Variants in TEX2 observed in about 807,000 individuals in gnomAD.
The protein encoded by TEX2 is testis-expressed protein 2.
TEX2 carries 53 observed loss-of-function variants against 106.9 expected under a neutral mutation model. That is an observed-to-expected ratio of 0.50 (90% CI 0.40 to 0.62). TEX2 has a LOEUF of 0.62. TEX2 is among the 20% of genes least tolerant of loss of function. The pLI is 0.00. For missense variants in TEX2, 1,207 were observed against 1,379.0 expected, an observed-to-expected ratio of 0.88 and a Z score of 1.98; for synonymous variants, 523 against 534.8, an observed-to-expected ratio of 0.98 and a Z score of 0.30.
rs2032351108 is a variant in TEX2, at chr17:64,193,043, G to A, written c.2176+516C>T. Among the ~76,000 whole-genome samples, 3 of 152,208 alleles carry A rather than the reference G, an allele frequency of 2.0e-5. No homozygotes were observed. In the South Asian group the frequency reaches 6.2e-4, roughly 32 times the overall value. On this transcript the variant is annotated intron_variant, in intron 4 of 11. Transcript: ENST00000584379. ...ACAGGGGAGCTACTGCTTTTTACTG[G>A]TTTTGTGTCTCTTGCAGCTCCAAGC...
At chr17:64,193,461 G>GGGGTTGCT in intron 4 of TEX2, 98 bp downstream of exon 4, 1 of 975,648 alleles carries the variant, frequency 1.0e-6, no homozygotes, top group Non-Finnish European at 1.4e-6. Flanking sequence ...AGTTCAGGGT[G>GGGGTTGCT]GGCTTCCTTC....
rs776279941 is a variant in TEX2 at position 64,195,116 on chromosome 17, T to A, written c.1645-21A>T. 6.2e-7 allele frequency: 1 copy of A among 1,609,324 alleles called. No homozygotes were observed. The highest frequency in any genetic ancestry group is 1.1e-5 in the South Asian group (1 of 90,940). On this transcript the variant is annotated intron_variant, in intron 2 of 11. Coordinates refer to ENST00000584379, the MANE Select transcript of TEX2 (RefSeq NM_001288732.2). This position sits in a 1 kb window ranked among gnomAD's most constrained non-coding sequence, Gnocchi z 4.1. ...CATCCCTGATGAAGAAAAACTTCCA[T>A]TAGTAATATCAGAATAATCGCAAAT...
At chr17:64,157,193 G>A (rs1253881917) in intron 8 of TEX2, among the ~76,000 whole-genome samples, 1 of 152,166 alleles carries the variant, frequency 6.6e-6, no homozygotes, top group Non-Finnish European at 1.5e-5. Flanking sequence ...GAACTTCAGA[G>A]GAAGATACAC....
chr17:64,212,286 C>G (rs1164663677), intron 2 of TEX2, among the ~76,000 whole-genome samples: 1 of 152,198 alleles, frequency 6.6e-6, no homozygotes, highest in Non-Finnish European at 1.5e-5. Flanking sequence ...GCAAGTAGCA[C>G]ATTCCAAGTA....
At position 64,149,013 on chromosome 17, in the gene TEX2, AG is replaced by A; in HGVS notation, c.3339del (p.Cys1114AlafsTer3). The A allele has an allele frequency of 6.2e-7, 1 of 1,614,252 alleles. No homozygotes were observed. The highest frequency in any genetic ancestry group is 8.5e-7 in the Non-Finnish European group (1 of 1,180,040). On this transcript the variant is annotated frameshift_variant, in exon 12 of 12. Transcript: ENST00000584379. LOFTEE classifies it high-confidence loss of function. ...MHSAMDPRST[S>X]CLLKDPPVEA... ...TCCACAGGTGGGTCTTTCAGGAGGC[AG>A]GAAGTAGAGCGAGGGTCCATGGCTG...
chr17:64,234,652 C>T (rs1453433255), intron 1 of TEX2, among the ~76,000 whole-genome samples: 3 of 152,166 alleles, frequency 2.0e-5, no homozygotes, highest in African/African-American at 7.2e-5. Flanking sequence ...AAACCCCACC[C>T]CTCAGCTTGT....
chr17:64,214,918 TTC>T (rs2033139427), intron 1 of TEX2, among the ~76,000 whole-genome samples: 1 of 152,226 alleles, frequency 6.6e-6, no homozygotes, highest in African/African-American at 2.4e-5. Flanking sequence ...CATGGCCACG[TTC>T]TGAGGCATCA....
At chr17:64,183,696 A>G (rs561769312) in intron 5 of TEX2, among the ~76,000 whole-genome samples, 98 of 151,988 alleles carry the variant, frequency 6.4e-4, no homozygotes, top group Middle Eastern at 6.8e-3. Flanking sequence ...CCAAAGTGTT[A>G]GGATTATAGG....
chr17:64,206,895 T>C (rs2143999762), intron 2 of TEX2, among the ~76,000 whole-genome samples: 1 of 152,254 alleles, frequency 6.6e-6, no homozygotes, highest in East Asian at 1.9e-4. Context: ...ACAGTACAGC[T>C]GCTGATCAAA....
intron 1 of TEX2, among the ~76,000 whole-genome samples, chr17:64,250,826 T>C (rs1555636883): frequency 6.6e-6 from 1 of 152,072 alleles, no homozygotes; most frequent in African/African-American, 2.4e-5. Context: ...AGACCACAGG[T>C]GCATGTCACC....
chr17:64,194,541 T>C (rs531430453), intron 3 of TEX2, among the ~76,000 whole-genome samples: 6 of 152,288 alleles, frequency 3.9e-5, no homozygotes, highest in Non-Finnish European at 8.8e-5. Flanking sequence ...TCACCACACA[T>C]AGCCACACAG....
At position 64,225,811 on chromosome 17, in the gene TEX2, G is replaced by A. The variant is rs180832745; in HGVS notation, c.-25-11569C>T. Among the ~76,000 whole-genome samples the A allele has an allele frequency of 4.1e-4, 63 of 151,958 alleles. 1 individual carries two copies. Among genetic ancestry groups the A allele is most frequent in the Admixed American group, 1.0e-3 (16 of 15,262 alleles). On this transcript the variant is annotated intron_variant, in intron 1 of 11. Transcript: ENST00000584379. The stretch of plus-strand genomic sequence containing the variant: ...CAGCTCACTCCAACCTCTACCTCCC[G>A]GGTTCAAGCCATTCTCTTGCCTCAG...
chr17:64,240,062 T>C (rs1555635584), intron 1 of TEX2, among the ~76,000 whole-genome samples: 3 of 151,818 alleles, frequency 2.0e-5, no homozygotes, highest in African/African-American at 7.3e-5. Context: ...TGCCTAGAAA[T>C]GCATAAATGA....
intron 1 of TEX2, among the ~76,000 whole-genome samples, chr17:64,226,462 T>C (rs759953786): frequency 1.3e-5 from 2 of 152,212 alleles, no homozygotes; most frequent in Non-Finnish European, 2.9e-5. Flanking sequence ...TTAACTTTCA[T>C]GCAATGTAAG....
intron 2 of TEX2, among the ~76,000 whole-genome samples, chr17:64,206,489 G>C (rs1391366811): frequency 6.6e-6 from 1 of 151,762 alleles, no homozygotes; most frequent in Non-Finnish European, 1.5e-5. Flanking sequence ...AAGCTTTGGA[G>C]GAGGTCCTAA....
intron 1 of TEX2, among the ~76,000 whole-genome samples, 183 bp downstream of exon 1, chr17:64,262,985 C>T (rs982722350): frequency 1.3e-5 from 2 of 152,142 alleles, no homozygotes; most frequent in Admixed American, 6.5e-5. Flanking sequence ...GGGGGTGTCG[C>T]GGGTGGGCGT....
chr17:64,215,312 G>A (rs2033152682), intron 1 of TEX2, among the ~76,000 whole-genome samples: 1 of 152,146 alleles, frequency 6.6e-6, no homozygotes, highest in African/African-American at 2.4e-5. Flanking sequence ...AAGTTCTGAG[G>A]AGGATGACAC....
At chr17:64,210,837 C>T (rs536450844) in intron 2 of TEX2, among the ~76,000 whole-genome samples, 7 of 152,120 alleles carry the variant, frequency 4.6e-5, no homozygotes, top group African/African-American at 1.7e-4. Flanking sequence ...TTTCATACAT[C>T]TCCTGTAACA....
intron 6 of TEX2, among the ~76,000 whole-genome samples, chr17:64,171,812 C>T (rs2031413052): frequency 6.6e-6 from 1 of 151,666 alleles, no homozygotes; most frequent in Admixed American, 6.6e-5. Context: ...AACCCCAACT[C>T]TACCAAAAAA....
Sources: allele counts gnomAD v4.1 joint callset (sites outside exome capture counted in the v4.1 genomes callset), GRCh38; gene constraint gnomAD v4.1.1; non-coding constraint Gnocchi (gnomAD v3.1); transcripts MANE v1.5; gene names NCBI Gene and HGNC (gene_info 2026-07-23, HGNC 2026-07-21).